CYP2C19: variants seen among roughly 807,000 people sequenced by gnomAD.
The protein encoded by CYP2C19 is cytochrome P450 family 2 subfamily C member 19.
A neutral mutation model predicts 40.9 loss-of-function variants in CYP2C19; 59 were observed. That is an observed-to-expected ratio of 1.44 (90% confidence interval 1.17 to 1.79). The LOEUF (loss-of-function observed/expected upper bound fraction) is 1.79. Ranked by LOEUF, CYP2C19 falls within the 40% of genes most tolerant of loss-of-function variation. The pLI is 0.00. For missense variants in CYP2C19, 754 were observed against 596.9 expected (o/e 1.26, Z -2.74); for synonymous variants, 253 against 208.7 (o/e 1.21, Z -1.83).
At chr10:94,765,134 A>T (rs902835483) in intron 1 of CYP2C19, among the ~76,000 whole-genome samples, 3 of 152,126 alleles carry the variant, frequency 2.0e-5, no homozygotes, top group Non-Finnish European at 4.4e-5. Flanking sequence ...TGTCTGAGAA[A>T]TTCTTTGAGA....
chr10:94,803,358 C>T lies in CYP2C19; in HGVS notation c.820-17138C>T, dbSNP rs115776297. ...TTTACTTCTGTGGGTAGTTTTATAT[C>T]GGCCTGTGCAGTTTGACATACATGT... On this transcript the variant is annotated intron_variant, in intron 5 of 8. Transcript: ENST00000371321. 4.7e-3 allele frequency among the ~76,000 whole-genome samples: 722 copies of T among 152,156 alleles called. 4 individuals carry two copies. Among genetic ancestry groups the T allele is most frequent in the African/African-American group, 0.017 (698 of 41,518 alleles).
chr10:94,841,536 G>T (rs897448083), intron 6 of CYP2C19, among the ~76,000 whole-genome samples: 4 of 152,222 alleles, frequency 2.6e-5, no homozygotes, highest in South Asian at 2.1e-4. Flanking sequence ...GTTGCCCTTT[G>T]GTTTTCATTT....
At chr10:94,786,144 G>A (rs1275220968) in intron 5 of CYP2C19, among the ~76,000 whole-genome samples, 3 of 152,018 alleles carry the variant, frequency 2.0e-5, no homozygotes, top group Non-Finnish European at 2.9e-5. Flanking sequence ...CCACTCAGAT[G>A]TGTCCATGTC....
chr10:94,855,266 C>G lies in CYP2C19; in HGVS notation c.*2352C>G, dbSNP rs1029298501. ...TAGCCTACCATACTATTATTATACCCATTTGAACAACCAAACAATTGCACT... is the reference window on the plus strand; with the variant it reads ...TAGCCTACCATACTATTATTATACCGATTTGAACAACCAAACAATTGCACT... On this transcript the variant is annotated 3_prime_UTR_variant, in exon 9 of 9. Transcript: ENST00000371321. Among the ~76,000 whole-genome samples, 3 of 152,168 alleles carry G rather than the reference C, an allele frequency of 2.0e-5. No individual in the cohort carries two copies.
chr10:94,842,871 C>T lies in CYP2C19; in HGVS notation c.996C>T (p.Gly332=). The T allele has an allele frequency of 3.7e-6, 6 of 1,614,138 alleles. No individual in the cohort carries two copies. Among genetic ancestry groups the T allele is most frequent in the Non-Finnish European group, 5.1e-6 (6 of 1,180,010 alleles). Residue 332 remains glycine (G), a synonymous_variant, in exon 7 of 9, where the codon GGC becomes GGT. Coordinates refer to ENST00000371321, the MANE Select transcript of CYP2C19 (RefSeq NM_000769.4). Reference sequence around the variant, plus strand: ...AGGAAGAGATTGAACGTGTCATTGGCAGAAACCGGAGCCCCTGCATGCAGG... The same window carrying T: ...AGGAAGAGATTGAACGTGTCATTGGTAGAAACCGGAGCCCCTGCATGCAGG... The part of the protein sequence containing the change: ...KVQEEIERVI[G]RNRSPCMQDR...
intron 5 of CYP2C19, among the ~76,000 whole-genome samples, chr10:94,800,927 G>A (rs539043136): frequency 2.2e-4 from 33 of 152,238 alleles, no homozygotes; most frequent in African/African-American, 6.7e-4. Flanking sequence ...CATCTCTCAC[G>A]GCTTCCCTTC....
intron 6 of CYP2C19, among the ~76,000 whole-genome samples, chr10:94,830,177 C>T (rs1048160947): frequency 1.4e-4 from 22 of 152,358 alleles, no homozygotes; most frequent in Non-Finnish European, 3.2e-4. Context: ...CTGTGGTGGG[C>T]TCCACCCAGT....
chr10:94,775,636 T>C (rs1264261949), intron 3 of CYP2C19, 97 bp downstream of exon 3: 5 of 1,600,978 alleles, frequency 3.1e-6, no homozygotes, highest in Non-Finnish European at 4.3e-6. Flanking sequence ...ATCTTTTATT[T>C]GGAGTCCTGG....
intron 6 of CYP2C19, among the ~76,000 whole-genome samples, chr10:94,835,310 TAA>T (rs1849385633): frequency 6.6e-6 from 1 of 152,202 alleles, no homozygotes; most frequent in Non-Finnish European, 1.5e-5. Context: ...TATCAATACC[TAA>T]GTGAAAGGTT....
In CYP2C19 at chr10:94,820,517, G is replaced by T; in HGVS notation, c.841G>T (p.Glu281Ter). The T allele has an allele frequency of 6.2e-7, 1 of 1,614,140 alleles. No individual in the cohort carries two copies. The highest frequency in any genetic ancestry group is 1.3e-5 in the African/African-American group (1 of 75,040). The part of the protein sequence containing the change: ...MEKEKQNQQS[E>*]FTIENLVITA... Reference sequence around the variant, plus strand: ...CTAGGAAAAGCAAAACCAACAGTCTGAATTCACTATTGAAAACTTGGTAAT... The same window carrying T: ...CTAGGAAAAGCAAAACCAACAGTCTTAATTCACTATTGAAAACTTGGTAAT... The change falls in exon 6 of 9, where the codon GAA becomes TAA. Residue 281 changes from glutamate (E) to a stop codon, truncating the protein, a stop_gained. Transcript: ENST00000371321. LOFTEE classifies it high-confidence loss of function.
chr10:94,777,032 G>A (rs973439388), intron 3 of CYP2C19, among the ~76,000 whole-genome samples: 3 of 152,062 alleles, frequency 2.0e-5, no homozygotes, highest in Non-Finnish European at 2.9e-5. Context: ...GTCAAATAAT[G>A]AGTGAACTCC....
intron 6 of CYP2C19, among the ~76,000 whole-genome samples, chr10:94,829,213 C>T (rs1182770640): frequency 6.6e-6 from 1 of 152,146 alleles, no homozygotes; most frequent in African/African-American, 2.4e-5. Flanking sequence ...GTTGGCCTGC[C>T]GTGCTAGATT....
At chr10:94,832,033 T>C (rs1020537793) in intron 6 of CYP2C19, among the ~76,000 whole-genome samples, 1 of 152,226 alleles carries the variant, frequency 6.6e-6, no homozygotes, top group Admixed American at 6.5e-5. Context: ...TTTCACAGTT[T>C]GAGGTCTCAT....
intron 6 of CYP2C19, among the ~76,000 whole-genome samples, chr10:94,821,170 C>T (rs1307161771): frequency 1.3e-5 from 2 of 152,132 alleles, no homozygotes; most frequent in African/African-American, 4.8e-5. Flanking sequence ...ATGAAGACAG[C>T]ATGGCAGTTT....
At chr10:94,828,824 G>C (rs1340274023) in intron 6 of CYP2C19, among the ~76,000 whole-genome samples, 3 of 152,122 alleles carry the variant, frequency 2.0e-5, no homozygotes, top group Non-Finnish European at 2.9e-5. Flanking sequence ...TCCATGATTA[G>C]TGCTTCCTTC....
At chr10:94,822,833 T>A (rs1348464840) in intron 6 of CYP2C19, among the ~76,000 whole-genome samples, 1 of 152,190 alleles carries the variant, frequency 6.6e-6, no homozygotes, top group African/African-American at 2.4e-5. Flanking sequence ...TGATTAGTGA[T>A]GTTGAACATT....
intron 5 of CYP2C19, among the ~76,000 whole-genome samples, chr10:94,805,120 G>T (rs971327874): frequency 7.9e-5 from 12 of 151,334 alleles, no homozygotes; most frequent in Non-Finnish European, 1.2e-4. Flanking sequence ...GGACATCCTT[G>T]TTTTTTTTCT....
chr10:94,828,348 T>C (rs975834294), intron 6 of CYP2C19, among the ~76,000 whole-genome samples: 1 of 151,778 alleles, frequency 6.6e-6, no homozygotes, highest in Non-Finnish European at 1.5e-5. Flanking sequence ...TTGGTGCTCC[T>C]GTATTGGGTG....
At chr10:94,826,448 G>T (rs1166568216) in intron 6 of CYP2C19, among the ~76,000 whole-genome samples, 1 of 152,062 alleles carries the variant, frequency 6.6e-6, no homozygotes, top group African/African-American at 2.4e-5. Flanking sequence ...CTCATGATTT[G>T]GCACTCTGTT....
Sources: allele counts gnomAD v4.1 joint callset (sites outside exome capture counted in the v4.1 genomes callset), GRCh38; gene constraint gnomAD v4.1.1; transcripts MANE v1.5; gene names NCBI Gene and HGNC (gene_info 2026-07-23, HGNC 2026-07-21).